The following PRPF39 variants were observed in gnomAD, a reference collection of about 807,000 sequenced individuals.
The protein encoded by PRPF39 is pre-mRNA-processing factor 39.
A neutral mutation model predicts 82.1 loss-of-function variants in PRPF39; 27 were observed. The observed-to-expected ratio is 0.33, with a 90% CI of 0.24 to 0.45. The LOEUF is 0.45. Ranked by LOEUF, PRPF39 falls within the 20% of genes least tolerant of loss-of-function variation. The pLI, the probability that PRPF39 is intolerant of heterozygous loss-of-function variation, is 1.00. For missense variants in PRPF39, 581 were observed against 796.9 expected (o/e 0.73, Z 3.26); for synonymous variants, 261 against 256.4 (o/e 1.02, Z -0.17).
chr14:45,086,774 C>G (rs1482500081), intron 1 of PRPF39, among the ~76,000 whole-genome samples: 1 of 149,636 alleles, frequency 6.7e-6, no homozygotes, highest in East Asian at 2.0e-4. Context: ...TCCTTTTACT[C>G]TTGTTGAGCT....
intron 1 of PRPF39, among the ~76,000 whole-genome samples, chr14:45,087,246 G>A (rs183528185): frequency 4.6e-4 from 70 of 151,856 alleles, no homozygotes; most frequent in Admixed American, 1.9e-3. Context: ...CTACAGGTGC[G>A]TGCCACCACA....
chr14:45,115,715 TC>T lies in PRPF39; in HGVS notation c.*804del, dbSNP rs1489784598. The T allele has an allele frequency of 6.5e-6, 1 of 152,736 alleles. No homozygotes were observed. The highest frequency in any genetic ancestry group is 2.4e-5 in the African/African-American group (1 of 41,464). 9.5% of individuals were successfully genotyped at this position (152,736 alleles called of 1,614,324 possible). A position where few individuals can be genotyped will look rare whatever the true frequency, so the allele number is the denominator to read the frequency against. ...CTTTTCTAAATTCAGGTCTTGATCT[TC>T]CTGCCAAGATTTTTCTGCTTTTAGC... On this transcript the variant is annotated 3_prime_UTR_variant, in exon 14 of 14. Coordinates refer to ENST00000355765, the MANE Select transcript of PRPF39 (RefSeq NM_017922.4).
At chr14:45,097,121 A>T in intron 4 of PRPF39, 116 bp downstream of exon 4, 1 of 1,366,706 alleles carries the variant, frequency 7.3e-7, no homozygotes, top group South Asian at 1.7e-5. Flanking sequence ...ATTGTTAAAA[A>T]AATGATACAT....
chr14:45,095,873 G>A (rs1008434116), intron 2 of PRPF39: 1 of 464,820 alleles, frequency 2.2e-6, no homozygotes. Flanking sequence ...GAAAAAGGGG[G>A]CTGCTGCCTG....
At chr14:45,111,057 T>C (rs1308578627) in intron 10 of PRPF39, 2 of 460,582 alleles carry the variant, frequency 4.3e-6, no homozygotes, top group Non-Finnish European at 3.9e-6. Flanking sequence ...TGTGATACTT[T>C]ATATTTTCCC....
chr14:45,107,368 G>GA, intron 5 of PRPF39, 83 bp from the exon 6 acceptor site: 1 of 1,040,546 alleles, frequency 9.6e-7, no homozygotes, highest in Non-Finnish European at 1.3e-6. Flanking sequence ...CAAATCCTTT[G>GA]AAAGAGTAGT....
chr14:45,087,146 T>A (rs759397744), intron 1 of PRPF39, among the ~76,000 whole-genome samples: 1 of 151,870 alleles, frequency 6.6e-6, no homozygotes, highest in Non-Finnish European at 1.5e-5. Flanking sequence ...GTCGCCCAGG[T>A]TGAAGTGCAC....
rs201793127 is a variant in PRPF39 at position 45,096,205 on chromosome 14, G to A, written c.427G>A (p.Asp143Asn). ...GTATGCAGACCTTGAAAAGCGGCAC[G>A]ACAACATTAAACCATCAGATGAGGT... is the stretch of plus-strand genomic sequence containing the variant. Reference protein sequence around the residue: ...KKYADLEKRHDNIKPSDEVYR... With the variant: ...KKYADLEKRHNNIKPSDEVYR... The change falls in exon 3 of 14, where the codon GAC (aspartate) becomes AAC (asparagine). Residue 143 changes from aspartate (D) to asparagine (N), a missense_variant. Asp to Asn is a conservative substitution (Grantham distance 23). Coordinates refer to ENST00000355765, the MANE Select transcript of PRPF39 (RefSeq NM_017922.4). 3.6e-5 allele frequency: 57 copies of A among 1,590,490 alleles called. No homozygotes were observed. Among genetic ancestry groups the A allele is most frequent in the Middle Eastern group, 1.7e-4 (1 of 6,038 alleles).
intron 4 of PRPF39, among the ~76,000 whole-genome samples, chr14:45,100,588 C>T (rs1218314545): frequency 6.6e-6 from 1 of 152,172 alleles, no homozygotes; most frequent in African/African-American, 2.4e-5. Context: ...TTTCTCCATA[C>T]TTTTTTCAGT....
At chr14:45,112,711 A>G (rs1204828026) in intron 11 of PRPF39, among the ~76,000 whole-genome samples, 3 of 152,236 alleles carry the variant, frequency 2.0e-5, no homozygotes. Flanking sequence ...CTTTCCTTCA[A>G]AACTGTTTTC....
At chr14:45,104,124 G>A (rs923949767) in intron 5 of PRPF39, among the ~76,000 whole-genome samples, 4 of 152,006 alleles carry the variant, frequency 2.6e-5, no homozygotes, top group African/African-American at 7.3e-5. Flanking sequence ...TGGCCCTGAA[G>A]TTTTTGATAT....
intron 5 of PRPF39, among the ~76,000 whole-genome samples, chr14:45,103,644 A>G (rs1053845057): frequency 6.6e-6 from 1 of 152,124 alleles, no homozygotes; most frequent in Non-Finnish European, 1.5e-5. Flanking sequence ...AGATAGGAAT[A>G]TTCTCTCTGC....
chr14:45,107,495 C>G lies in PRPF39; in HGVS notation c.782C>G (p.Thr261Ser). The G allele has an allele frequency of 6.4e-7, 1 of 1,565,652 alleles. No individual in the cohort carries two copies. The highest frequency in any genetic ancestry group is 8.7e-7 in the Non-Finnish European group (1 of 1,151,488). ...AATAATTTGCCTAGAGATCTTTTAA[C>G]TGGTGAACAGTTTATTCAGTTGCGA... The part of the protein sequence containing the change: ...VQNNLPRDLL[T>S]GEQFIQLRRE... The change falls in exon 6 of 14, where the codon ACT becomes AGT. Residue 261 changes from threonine to serine, a missense_variant. Coordinates refer to ENST00000355765, the MANE Select transcript of PRPF39 (RefSeq NM_017922.4).
intron 1 of PRPF39, among the ~76,000 whole-genome samples, chr14:45,094,248 A>G (rs1317434439): frequency 1.3e-5 from 2 of 152,192 alleles, no homozygotes; most frequent in Non-Finnish European, 2.9e-5. Flanking sequence ...TTTGGTTTCC[A>G]TTTAAGCTGT....
chr14:45,112,700 T>C lies in PRPF39; in HGVS notation c.1757+198T>C, dbSNP rs183896553. On this transcript the variant is annotated intron_variant, in intron 11 of 13. Coordinates refer to ENST00000355765, the MANE Select transcript of PRPF39 (RefSeq NM_017922.4). ...ACTTAACAGGAAGGCATAAGGTTTG[T>C]CTTTCCTTCAAAACTGTTTTCCCAA... 3.3e-5 allele frequency among the ~76,000 whole-genome samples: 5 copies of C among 152,358 alleles called. No homozygotes were observed. The East Asian group carries it at 7.7e-4, about 23-fold the overall frequency.
chr14:45,094,093 C>T (rs1884125174), intron 1 of PRPF39, among the ~76,000 whole-genome samples: 1 of 151,784 alleles, frequency 6.6e-6, no homozygotes, highest in African/African-American at 2.4e-5. Context: ...AAGTTTTAGT[C>T]ATCTTTTTAA....
Position 45,112,510 on chromosome 14 carries a change from ATTAG to A in PRPF39, c.1757+12_1757+15del. On this transcript the variant is annotated intron_variant, in intron 11 of 13. Coordinates refer to ENST00000355765, the MANE Select transcript of PRPF39 (RefSeq NM_017922.4). ...TGGTTCCGATGTTAATAAGTAAGATATTAGTTATATTACCTATTTGAATGATAAA... is the reference window on the plus strand; with the variant it reads ...TGGTTCCGATGTTAATAAGTAAGATATTATATTACCTATTTGAATGATAAA... 1 of 1,464,900 alleles carries A rather than the reference ATTAG, an allele frequency of 6.8e-7. No homozygotes were observed. Among genetic ancestry groups the A allele is most frequent in the Non-Finnish European group, 9.0e-7 (1 of 1,113,678 alleles). The allele number at this position is 1,464,900 out of a possible 1,614,324, so 90.7% of individuals were successfully genotyped here.
At chr14:45,103,405 G>T (rs1884433682) in intron 5 of PRPF39, among the ~76,000 whole-genome samples, 1 of 151,856 alleles carries the variant, frequency 6.6e-6, no homozygotes, top group South Asian at 2.1e-4. Context: ...TCTATTTTTT[G>T]TTATAATTTT....
At chr14:45,102,247 A>G (rs756633555) in intron 4 of PRPF39, among the ~76,000 whole-genome samples, 1 of 152,196 alleles carries the variant, frequency 6.6e-6, no homozygotes, top group Non-Finnish European at 1.5e-5. Flanking sequence ...ACAAATACTT[A>G]CATGTCTACT....
Sources: gnomAD v4.1 joint callset for allele counts (sites outside exome capture counted in the v4.1 genomes callset) on GRCh38, gnomAD v4.1.1 for gene constraint, MANE v1.5 for transcripts, NCBI Gene and HGNC (gene_info 2026-07-23, HGNC 2026-07-21) for gene names.